The following SNX24 variants were observed in gnomAD, a reference collection of about 807,000 sequenced individuals.
SNX24 encodes the protein sorting nexin-24.
In SNX24, 22 loss-of-function variants were observed where a neutral mutation model predicts 28.7. That is an observed-to-expected ratio of 0.77 (90% CI 0.55 to 1.10). The LOEUF (loss-of-function observed/expected upper bound fraction) is 1.10, where lower values mean the gene tolerates loss of function less well. Among genes scored for constraint, SNX24 ranks in the 50% least tolerant of loss-of-function variants. The probability of loss-of-function intolerance (pLI) is 0.00; values close to 1 mark genes in which losing one functional copy is unlikely to be tolerated. For missense variants in SNX24, 221 were observed against 201.1 expected (o/e 1.10, Z -0.60); for synonymous variants, 69 against 71.5 (o/e 0.96, Z 0.18).
chr5:122,917,736 T>C (rs929412834), intron 1 of SNX24, among the ~76,000 whole-genome samples: 12 of 152,202 alleles, frequency 7.9e-5, no homozygotes, highest in African/African-American at 2.9e-4. Flanking sequence ...GATAGAATTA[T>C]AAGTGGGTGC....
At chr5:122,981,437 C>T (rs1053469338) in intron 3 of SNX24, among the ~76,000 whole-genome samples, 2 of 152,142 alleles carry the variant, frequency 1.3e-5, no homozygotes, top group African/African-American at 4.8e-5. Context: ...AAAGGTTTTA[C>T]TGAGGTATAA....
chr5:123,007,794 C>T lies in SNX24; in HGVS notation c.*45C>T, dbSNP rs763329349. On this transcript the variant is annotated 3_prime_UTR_variant, in exon 7 of 7. Transcript: ENST00000261369. ...GAAGCAGAAGCAAGTTTCGAAGTCA[C>T]AGTCAAGGAAATCAATACCTACCAA... 61 of 1,578,146 alleles carry T rather than the reference C, an allele frequency of 3.9e-5. No homozygotes were observed. Among genetic ancestry groups the T allele is most frequent in the Admixed American group, 1.0e-4 (5 of 48,704 alleles).
At chr5:123,021,264 CA>C (rs1429486106) in intron 5 of SNX24, among the ~76,000 whole-genome samples, 1 of 152,168 alleles carries the variant, frequency 6.6e-6, no homozygotes, top group African/African-American at 2.4e-5. Flanking sequence ...ACAAGAACCA[CA>C]AGGGGTGACA....
intron 5 of SNX24, among the ~76,000 whole-genome samples, chr5:123,018,074 G>A (rs1762711450): frequency 1.3e-5 from 2 of 151,978 alleles, no homozygotes; most frequent in Non-Finnish European, 2.9e-5. Context: ...GCCATAAGCA[G>A]GTACAGCTCA....
At chr5:122,969,137 T>TTTGTTTATAATTTATTTAAAAC (rs1760841852) in intron 3 of SNX24, among the ~76,000 whole-genome samples, 1 of 152,160 alleles carries the variant, frequency 6.6e-6, no homozygotes, top group Non-Finnish European at 1.5e-5. Context: ...AGATATTCTT[T>TTTGTTTATAATTTATTTAAAAC]TTGTTTATAA....
At chr5:122,951,936 C>T (rs1256796936) in intron 3 of SNX24, among the ~76,000 whole-genome samples, 5 of 152,224 alleles carry the variant, frequency 3.3e-5, no homozygotes, top group African/African-American at 1.2e-4. Flanking sequence ...GTTGAGTGTT[C>T]CTCATCCGGA....
intron 5 of SNX24, among the ~76,000 whole-genome samples, chr5:123,022,149 G>A (rs1015312337): frequency 1.3e-5 from 2 of 151,774 alleles, no homozygotes; most frequent in Non-Finnish European, 2.9e-5. Context: ...GTCCATTGTT[G>A]TATCCCCAAA....
chr5:122,900,859 A>G (rs953471069), intron 1 of SNX24, among the ~76,000 whole-genome samples: 8 of 152,332 alleles, frequency 5.3e-5, no homozygotes, highest in South Asian at 4.1e-4. Context: ...AGTTATCATT[A>G]TAAGTAATGT....
chr5:123,013,466 A>G (rs551577584), downstream of SNX24, among the ~76,000 whole-genome samples: 6 of 152,232 alleles, frequency 3.9e-5, no homozygotes, highest in Non-Finnish European at 5.9e-5. Context: ...AAACACAGGG[A>G]AGTAGCAGGC....
chr5:122,991,855 A>G (rs931915817), intron 3 of SNX24, among the ~76,000 whole-genome samples: 2 of 152,226 alleles, frequency 1.3e-5, no homozygotes, highest in African/African-American at 4.8e-5. Context: ...TGTAAGAATT[A>G]GTTGAGATGT....
chr5:122,863,063 A>T (rs574090876), intron 1 of SNX24, among the ~76,000 whole-genome samples: 1 of 152,346 alleles, frequency 6.6e-6, no homozygotes, highest in African/African-American at 2.4e-5. Flanking sequence ...AACAATCAAA[A>T]TTCTCTACCT....
In SNX24 at chr5:123,018,297, C is replaced by T. The variant is rs189946674; in HGVS notation, n.384-10941C>T. Among the ~76,000 whole-genome samples the T allele has an allele frequency of 5.9e-5, 9 of 152,176 alleles. No individual in the cohort carries two copies. In the East Asian group the frequency reaches 1.7e-3, roughly 29 times the overall value. On this transcript the variant is annotated intron_variant and non_coding_transcript_variant, in intron 5 of 5. Transcript: ENST00000502387. ...GGCTGACCAGTTCTTCCTCCTTTAC[C>T]CTGGACAGTTTGTCAGAGTGCAGCT...
At chr5:122,987,061 G>T (rs1761634798) in intron 3 of SNX24, among the ~76,000 whole-genome samples, 1 of 152,164 alleles carries the variant, frequency 6.6e-6, no homozygotes, top group African/African-American at 2.4e-5. Flanking sequence ...CGATGGAAGT[G>T]CAGTATAGGT....
chr5:123,017,139 G>A (rs1347641669), intron 5 of SNX24, among the ~76,000 whole-genome samples: 2 of 151,942 alleles, frequency 1.3e-5, no homozygotes, highest in Non-Finnish European at 2.9e-5. Flanking sequence ...ATTCACAAGT[G>A]GTGAACGGTA....
chr5:122,896,268 CATTGATGATTGATCCCATAT>C (rs1452778270), intron 1 of SNX24, among the ~76,000 whole-genome samples: 4 of 152,206 alleles, frequency 2.6e-5, no homozygotes, highest in Non-Finnish European at 5.9e-5. Flanking sequence ...CTATGGCAGA[CATTGATGATTGATCCCATAT>C]ATTTTCCTGT....
At chr5:123,001,370 G>A (rs756582707) in intron 4 of SNX24, 35 bp from the exon 5 acceptor site, 1 of 1,487,118 alleles carries the variant, frequency 6.7e-7, no homozygotes, top group Admixed American at 1.7e-5. Flanking sequence ...AACATATGTG[G>A]TTTTTTTGTT....
At chr5:122,888,881 T>G (rs931469253) in intron 1 of SNX24, among the ~76,000 whole-genome samples, 1 of 152,206 alleles carries the variant, frequency 6.6e-6, no homozygotes, top group African/African-American at 2.4e-5. Context: ...AGACAGAATC[T>G]CACTCTGTCG....
At chr5:122,964,115 C>T (rs547586022) in intron 3 of SNX24, among the ~76,000 whole-genome samples, 4 of 151,652 alleles carry the variant, frequency 2.6e-5, no homozygotes, top group African/African-American at 4.8e-5. Flanking sequence ...TGGTGGCAGC[C>T]GCCTGTAATC....
intron 1 of SNX24, among the ~76,000 whole-genome samples, chr5:122,871,079 G>A (rs188257826): frequency 6.6e-6 from 1 of 152,278 alleles, no homozygotes; most frequent in African/African-American, 2.4e-5. Context: ...AACAGTGGAA[G>A]GTGAGAACTA....
Sources: gnomAD v4.1 joint callset for allele counts (sites outside exome capture counted in the v4.1 genomes callset) on GRCh38, gnomAD v4.1.1 for gene constraint, MANE v1.5 for transcripts, NCBI Gene and HGNC (gene_info 2026-07-23, HGNC 2026-07-21) for gene names.